The following TENM2 variants were observed in gnomAD, a reference collection of about 807,000 sequenced individuals.
The protein encoded by TENM2 is teneurin-2.
TENM2 carries 52 observed loss-of-function variants against 245.2 expected under a neutral mutation model. That is an observed-to-expected ratio of 0.21 (90% CI 0.17 to 0.27). The LOEUF (loss-of-function observed/expected upper bound fraction) is 0.27. Among genes scored for constraint, TENM2 ranks in the 10% least tolerant of loss-of-function variants. The pLI, the probability that TENM2 is intolerant of heterozygous loss-of-function variation, is 1.00. For missense variants in TENM2, 3,046 were observed against 3,666.8 expected, an observed-to-expected ratio of 0.83 and a Z score of 4.37; for synonymous variants, 1,363 against 1,438.9, an observed-to-expected ratio of 0.95 and a Z score of 1.19.
In TENM2 at chr5:167,929,081, G is replaced by T. The variant is rs1463304561; in HGVS notation, c.713-23507G>T. 5.5e-5 allele frequency among the ~76,000 whole-genome samples: 4 copies of T among 73,174 alleles called. No individual in the cohort carries two copies. In the East Asian group the frequency reaches 1.3e-3, roughly 25 times the overall value. The allele number at this position is 73,174 out of a possible 152,430, so 48.0% of individuals were successfully genotyped here. On this transcript the variant is annotated intron_variant, in intron 3 of 28. Transcript: ENST00000518659. The stretch of plus-strand genomic sequence containing the variant: ...AGAGAGAAAGAAAGAAAGAAAGAAA[G>T]AAAGAAAGAAAGAAAGAAAGAAAGA...
chr5:167,500,635 G>T (rs1323380050), intron 2 of TENM2, among the ~76,000 whole-genome samples: 1 of 152,066 alleles, frequency 6.6e-6, no homozygotes, highest in Admixed American at 6.6e-5. Flanking sequence ...TCTATCACTG[G>T]ACTGAAGTCC....
At chr5:167,687,604 G>T (rs1022289649) in intron 2 of TENM2, among the ~76,000 whole-genome samples, 5 of 152,134 alleles carry the variant, frequency 3.3e-5, no homozygotes, top group African/African-American at 4.8e-5. Flanking sequence ...GTTCACAGAT[G>T]TTTCAGTTGA....
intron 5 of TENM2, among the ~76,000 whole-genome samples, chr5:168,029,736 C>T (rs1786944528): frequency 6.6e-6 from 1 of 152,216 alleles, no homozygotes; most frequent in Admixed American, 6.5e-5. Context: ...TCATCCTTAA[C>T]TGGCACCGTG....
the TENM2 span, among the ~76,000 whole-genome samples, chr5:167,103,063 A>T: frequency 6.6e-6 from 1 of 152,198 alleles, no homozygotes; most frequent in Non-Finnish European, 1.5e-5. Flanking sequence ...TTCAAGACTG[A>T]GTTAAACATG....
chr5:167,308,866 G>A lies in TENM2; in HGVS notation c.226+23803G>A, dbSNP rs193092032. On this transcript the variant is annotated intron_variant, in intron 1 of 28. Coordinates refer to ENST00000518659, the Ensembl canonical transcript of TENM2. ...GAAGACACACATACAAAACTACCAC[G>A]TTGGAGACGAACAAAGGGAAACCAT... Among the ~76,000 whole-genome samples the A allele has an allele frequency of 3.8e-3, 586 of 152,260 alleles. 2 individuals are homozygous for A. Among genetic ancestry groups the A allele is most frequent in the Non-Finnish European group, 5.6e-3 (381 of 68,024 alleles).
intron 12 of TENM2, among the ~76,000 whole-genome samples, chr5:168,144,840 T>G (rs1247633074): frequency 6.6e-6 from 1 of 151,316 alleles, no homozygotes; most frequent in Non-Finnish European, 1.5e-5. Flanking sequence ...CTCCAGCACC[T>G]GTTGTTTCCT....
intron 5 of TENM2, among the ~76,000 whole-genome samples, chr5:168,003,268 C>A (rs1358148398): frequency 2.0e-5 from 3 of 151,044 alleles, no homozygotes; most frequent in African/African-American, 7.3e-5. Context: ...ATGACATTAT[C>A]TTTTCCCGAG....
At chr5:168,075,631 G>T (rs551177402) in intron 7 of TENM2, among the ~76,000 whole-genome samples, 1 of 152,302 alleles carries the variant, frequency 6.6e-6, no homozygotes, top group East Asian at 1.9e-4. Context: ...ACGTGCTCTT[G>T]TGTCTGCCTT....
At chr5:167,090,963 T>G in the TENM2 span, among the ~76,000 whole-genome samples, 1 of 152,236 alleles carries the variant, frequency 6.6e-6, no homozygotes, top group East Asian at 1.9e-4. Context: ...CAACGCTTTC[T>G]GCTTTCCCAG....
At chr5:167,125,501 A>G in the TENM2 span, among the ~76,000 whole-genome samples, 1 of 152,214 alleles carries the variant, frequency 6.6e-6, no homozygotes, top group Non-Finnish European at 1.5e-5. Flanking sequence ...TTTGATTCTA[A>G]TAGACCCTTA....
At chr5:168,210,845 G>A (rs1762754310) in intron 19 of TENM2, among the ~76,000 whole-genome samples, 1 of 152,014 alleles carries the variant, frequency 6.6e-6, no homozygotes, top group South Asian at 2.1e-4. Context: ...GAATGGGAGT[G>A]GTTCTCCTTA....
chr5:168,220,820 A>C (rs1334159748), intron 23 of TENM2, among the ~76,000 whole-genome samples: 1 of 152,154 alleles, frequency 6.6e-6, no homozygotes, highest in Non-Finnish European at 1.5e-5. Context: ...CTACTAGAAA[A>C]GTCTGTCCTG....
intron 2 of TENM2, among the ~76,000 whole-genome samples, chr5:167,746,263 G>A (rs910735701): frequency 6.6e-6 from 1 of 152,136 alleles, no homozygotes; most frequent in African/African-American, 2.4e-5. Flanking sequence ...AGCCATACTA[G>A]GGAGTGTTGC....
chr5:167,713,658 A>G lies in TENM2; in HGVS notation c.503-162328A>G, dbSNP rs1374263707. On this transcript the variant is annotated intron_variant, in intron 2 of 28. Coordinates refer to ENST00000518659, the Ensembl canonical transcript of TENM2. Reference sequence around the variant, plus strand: ...TGCGCACATGCAAGCACAGGCATACATGCATACATGTGTTTATACACATAT... The same window carrying G: ...TGCGCACATGCAAGCACAGGCATACGTGCATACATGTGTTTATACACATAT... Among the ~76,000 whole-genome samples the G allele has an allele frequency of 2.6e-5, 4 of 152,204 alleles. No homozygotes were observed. In the East Asian group the frequency reaches 7.7e-4, roughly 29 times the overall value.
At chr5:167,575,175 A>G (rs572546566) in intron 2 of TENM2, among the ~76,000 whole-genome samples, 8 of 151,976 alleles carry the variant, frequency 5.3e-5, no homozygotes, top group African/African-American at 1.7e-4. Flanking sequence ...CTAATTAAGG[A>G]TAACAGAAAT....
At chr5:167,400,278 G>A (rs556230348) in intron 2 of TENM2, among the ~76,000 whole-genome samples, 4 of 152,150 alleles carry the variant, frequency 2.6e-5, no homozygotes, top group East Asian at 3.9e-4. Context: ...GGTGGAGGAG[G>A]GAAGTTTCAG....
At chr5:167,973,556 G>A (rs1273125643) in intron 4 of TENM2, among the ~76,000 whole-genome samples, 1 of 152,178 alleles carries the variant, frequency 6.6e-6, no homozygotes, top group African/African-American at 2.4e-5. Flanking sequence ...CTGGACATGA[G>A]CTCAGGGGAC....
the TENM2 span, among the ~76,000 whole-genome samples, chr5:166,988,535 A>G: frequency 6.6e-6 from 1 of 152,194 alleles, no homozygotes; most frequent in African/African-American, 2.4e-5. Flanking sequence ...CACAGAATAC[A>G]TCTGTGCAAT....
At chr5:168,241,478 T>C (rs888982537) in intron 25 of TENM2, among the ~76,000 whole-genome samples, 4 of 151,240 alleles carry the variant, frequency 2.6e-5, no homozygotes, top group Non-Finnish European at 5.9e-5. Flanking sequence ...GCCAGGCTGG[T>C]CTCAAACTCC....
Sources: allele counts gnomAD v4.1 joint callset (sites outside exome capture counted in the v4.1 genomes callset), GRCh38; gene constraint gnomAD v4.1.1; transcripts MANE v1.5; gene names NCBI Gene and HGNC (gene_info 2026-07-23, HGNC 2026-07-21).